PIK3R6: variants seen among roughly 807,000 people sequenced by gnomAD.
PIK3R6 encodes the protein phosphoinositide-3-kinase regulatory subunit 6.
In PIK3R6, 91 loss-of-function variants were observed where a neutral mutation model predicts 84.9. The ratio of observed to expected loss-of-function variants is 1.07; its 90% CI spans 0.90 to 1.28. PIK3R6 has a LOEUF of 1.28. Ranked by LOEUF, PIK3R6 falls within the 50% of genes most tolerant of loss-of-function variation. The pLI, the probability that PIK3R6 is intolerant of heterozygous loss-of-function variation, is 0.00. For missense variants in PIK3R6, 996 were observed against 985.1 expected (o/e 1.01, Z -0.15); for synonymous variants, 416 against 411.4 (o/e 1.01, Z -0.13).
intron 5 of PIK3R6, 87 bp downstream of exon 5, chr17:8,837,716 G>A (rs377515582): frequency 2.3e-5 from 27 of 1,183,974 alleles, no homozygotes; most frequent in African/African-American, 7.6e-5. Context: ...TCATCCTGGC[G>A]GAGACTGAGT....
chr17:8,811,305 A>AT (rs1475921511), intron 18 of PIK3R6, among the ~76,000 whole-genome samples: 2 of 148,088 alleles, frequency 1.4e-5, no homozygotes, highest in Admixed American at 6.9e-5. Context: ...CCATGAAACC[A>AT]TTTTTTCCTC....
intron 12 of PIK3R6, among the ~76,000 whole-genome samples, chr17:8,827,746 AGAGAGAGAGAGAGAGAG>A (rs1379481242): frequency 0.029 from 2,135 of 74,206 alleles, 56 homozygotes; most frequent in Non-Finnish European, 0.033. Flanking sequence ...GGAAGGGGAG[AGAGAGAGAGAGAGAGAG>A]GAGAGAGAGA....
chr17:8,830,677 G>A (rs1379188045), intron 9 of PIK3R6, among the ~76,000 whole-genome samples: 11 of 152,222 alleles, frequency 7.2e-5, no homozygotes, highest in Non-Finnish European at 1.6e-4. Context: ...GACACAGAGA[G>A]GTTGAATAAC....
In PIK3R6 at chr17:8,849,735, C is replaced by T. The variant is rs774906345; in HGVS notation, c.13+47G>A. The stretch of plus-strand genomic sequence containing the variant: ...CCTCACCCATGAGAAGGGCCTTCCC[C>T]ACTCGGCAGCAGGCTCACTAGACCC... On this transcript the variant is annotated intron_variant, in intron 2 of 19. Coordinates refer to ENST00000619866, the MANE Select transcript of PIK3R6 (RefSeq NM_001010855.4). 6 of 1,583,768 alleles carry T rather than the reference C, an allele frequency of 3.8e-6. No homozygotes were observed. The African/African-American group carries it at 6.8e-5, about 18-fold the overall frequency.
intron 13 of PIK3R6, among the ~76,000 whole-genome samples, chr17:8,825,440 A>G (rs1298930784): frequency 6.6e-6 from 1 of 152,244 alleles, no homozygotes; most frequent in African/African-American, 2.4e-5. Context: ...GCTAATTTGT[A>G]CAGAAATGAA....
intron 13 of PIK3R6, among the ~76,000 whole-genome samples, chr17:8,824,542 G>A (rs1005990504): frequency 2.6e-5 from 4 of 152,202 alleles, no homozygotes; most frequent in South Asian, 2.1e-4. Flanking sequence ...AGCTATGAAC[G>A]TAGTCTAATA....
chr17:8,805,787 G>A (rs565070252), intron 18 of PIK3R6, among the ~76,000 whole-genome samples: 4 of 152,238 alleles, frequency 2.6e-5, no homozygotes, highest in Middle Eastern at 3.4e-3. Flanking sequence ...GCGTAGTGGC[G>A]GGCATCTGTA....
chr17:8,832,432 G>A (rs1040012220), intron 9 of PIK3R6, among the ~76,000 whole-genome samples: 1 of 143,750 alleles, frequency 7.0e-6, no homozygotes, highest in Non-Finnish European at 1.5e-5. Context: ...GCCCAGGCTG[G>A]AGTACAGTAG....
At chr17:8,860,815 G>C (rs2089263252) in intron 1 of PIK3R6, among the ~76,000 whole-genome samples, 1 of 152,076 alleles carries the variant, frequency 6.6e-6, no homozygotes, top group Non-Finnish European at 1.5e-5. Context: ...AGTTCACAAT[G>C]GGGACTCTGA....
rs564448532 is a variant in PIK3R6, at chr17:8,804,083, G to C, written c.2066C>G (p.Ser689Trp). 2 of 1,614,034 alleles carry C rather than the reference G, an allele frequency of 1.2e-6. No homozygotes were observed. The highest frequency in any genetic ancestry group is 2.2e-5 in the South Asian group (2 of 91,086). ...QSRDQRLLTL[S>W]LDKDDQRTFR... ...AGTGCGTTGATCGTCCTTGTCCAGC[G>C]ACAGTGTCAGCAGCCTCTGGTCCCG... is the stretch of plus-strand genomic sequence containing the variant. Residue 689 changes from serine (S) to tryptophan (W), a missense_variant, in exon 19 of 20, where the codon TCG (serine) becomes TGG (tryptophan). Coordinates refer to ENST00000619866, the MANE Select transcript of PIK3R6 (RefSeq NM_001010855.4).
chr17:8,842,621 C>T lies in PIK3R6; in HGVS notation c.14-2924G>A, dbSNP rs377187144. Among the ~76,000 whole-genome samples the T allele has an allele frequency of 3.0e-4, 45 of 152,234 alleles. No individual in the cohort carries two copies. The South Asian group carries it at 4.4e-3, about 15-fold the overall frequency. ...ACAATAAATTCCTCTTTGCAATTAG[C>T]TCCCACCAAGAGTTTGCCATTATAG... On this transcript the variant is annotated intron_variant, in intron 2 of 19. Coordinates refer to ENST00000619866, the MANE Select transcript of PIK3R6 (RefSeq NM_001010855.4). The surrounding 1 kb of genome is among the most constrained non-coding windows in gnomAD (Gnocchi z 4.5).
Position 8,835,523 on chromosome 17 carries a change from G to A in PIK3R6, c.462-67C>T, listed in dbSNP as rs560830145. 2.2e-6 allele frequency: 3 copies of A among 1,368,248 alleles called. No homozygotes were observed. The South Asian group carries it at 4.5e-5, about 20-fold the overall frequency. The allele number at this position is 1,368,248 out of a possible 1,614,324, so 84.8% of individuals were successfully genotyped here. ...CTAATGGGAGAGGGGCCACCGGATGGGCACCCTCAGAGCTGTGCAGCACCT... is the reference window on the plus strand; with the variant it reads ...CTAATGGGAGAGGGGCCACCGGATGAGCACCCTCAGAGCTGTGCAGCACCT... On this transcript the variant is annotated intron_variant, in intron 7 of 19. Coordinates refer to ENST00000619866, the MANE Select transcript of PIK3R6 (RefSeq NM_001010855.4).
In PIK3R6 at chr17:8,829,598, GCATA is replaced by G. The variant is rs1330131358; in HGVS notation, c.889+104_889+107del. 13 of 1,108,418 alleles carry G rather than the reference GCATA, an allele frequency of 1.2e-5. No individual in the cohort carries two copies. In the East Asian group the frequency reaches 3.0e-4, roughly 26 times the overall value. 68.7% of individuals were successfully genotyped at this position (1,108,418 alleles called of 1,614,324 possible). A position where few individuals can be genotyped will look rare whatever the true frequency, so the allele number is the denominator to read the frequency against. ...CACAGACACACTGACACACACTCAT[GCATA>G]CACACACTGACACACGCATGCACAC... is the stretch of plus-strand genomic sequence containing the variant. On this transcript the variant is annotated intron_variant, in intron 10 of 19. Transcript: ENST00000619866.
intron 7 of PIK3R6, among the ~76,000 whole-genome samples, 162 bp from the exon 8 acceptor site, chr17:8,835,618 G>T (rs2088430108): frequency 6.6e-6 from 1 of 152,188 alleles, no homozygotes; most frequent in South Asian, 2.1e-4. Context: ...TGACAATAGG[G>T]AGTGGTGAGG....
At chr17:8,823,985 TTGGC>T (rs2087835280) in intron 13 of PIK3R6, among the ~76,000 whole-genome samples, 1 of 152,154 alleles carries the variant, frequency 6.6e-6, no homozygotes, top group Non-Finnish European at 1.5e-5. Flanking sequence ...AATAAACTAA[TTGGC>T]TGGGTGTGGT....
intron 1 of PIK3R6, among the ~76,000 whole-genome samples, chr17:8,861,545 A>G (rs2089285670): frequency 6.6e-6 from 1 of 152,146 alleles, no homozygotes; most frequent in South Asian, 2.1e-4. Flanking sequence ...GAAACCTCTC[A>G]CCGTTCTGGT....
Position 8,839,524 on chromosome 17 carries a change from G to T in PIK3R6, c.97+90C>A. 2 of 1,051,848 alleles carry T rather than the reference G, an allele frequency of 1.9e-6. No individual in the cohort carries two copies. Among genetic ancestry groups the T allele is most frequent in the Non-Finnish European group, 1.4e-6 (1 of 723,636 alleles). 65.2% of individuals were successfully genotyped at this position (1,051,848 alleles called of 1,614,324 possible). ...ACGACCCTTGCCCCCTGAGCTCCAG[G>T]CCGGGGCTCTTTCCTGTATGCGCGT... On this transcript the variant is annotated intron_variant, in intron 3 of 19. Coordinates refer to ENST00000619866, the MANE Select transcript of PIK3R6 (RefSeq NM_001010855.4). This position sits in a 1 kb window ranked among gnomAD's most constrained non-coding sequence, Gnocchi z 4.2.
At chr17:8,861,900 G>A (rs2089295508) in intron 1 of PIK3R6, among the ~76,000 whole-genome samples, 1 of 152,244 alleles carries the variant, frequency 6.6e-6, no homozygotes, top group Non-Finnish European at 1.5e-5. Flanking sequence ...GTATGTTGAA[G>A]TAGCTAAGAT....
intron 1 of PIK3R6, among the ~76,000 whole-genome samples, chr17:8,859,235 C>A (rs1015306253): frequency 5.9e-5 from 9 of 152,188 alleles, no homozygotes; most frequent in African/African-American, 2.2e-4. Flanking sequence ...AGAACATAAT[C>A]CATGGGGCAG....
Sources: gnomAD v4.1 joint callset for allele counts (sites outside exome capture counted in the v4.1 genomes callset) on GRCh38, gnomAD v4.1.1 for gene constraint, Gnocchi (gnomAD v3.1) non-coding constraint, MANE v1.5 for transcripts, NCBI Gene and HGNC (gene_info 2026-07-23, HGNC 2026-07-21) for gene names.